Variants in GRM1 observed in about 807,000 individuals in gnomAD.
GRM1 encodes the protein metabotropic glutamate receptor 1.
Under a neutral mutation model 90.9 loss-of-function variants are expected in GRM1, and 33 were observed. That is an observed-to-expected ratio of 0.36 (90% CI 0.28 to 0.49). The LOEUF is 0.49. GRM1 is among the 20% of genes least tolerant of loss of function. GRM1 has a pLI of 0.99. For missense variants in GRM1, 1,190 were observed against 1,534.3 expected, an observed-to-expected ratio of 0.78 and a Z score of 3.75; for synonymous variants, 700 against 613.2, an observed-to-expected ratio of 1.14 and a Z score of -2.09.
At chr6:146,027,774 C>A (rs1296253352), upstream of GRM1, 3 of 152,264 alleles carry the variant, frequency 2.0e-5, no homozygotes, top group African/African-American at 7.2e-5. Context: ...GCGCTGTCTA[C>A]CCCGACTCAG....
At chr6:146,394,812 TAATA>T (rs1280169880) in intron 6 of GRM1, among the ~76,000 whole-genome samples, 1 of 152,154 alleles carries the variant, frequency 6.6e-6, no homozygotes, top group Non-Finnish European at 1.5e-5. Flanking sequence ...TAGTACCTAG[TAATA>T]AATCATAGAG....
chr6:146,040,866 G>C (rs1291890938), intron 1 of GRM1, among the ~76,000 whole-genome samples: 1 of 151,824 alleles, frequency 6.6e-6, no homozygotes, highest in African/African-American at 2.4e-5. Flanking sequence ...CCTTCTTGAA[G>C]GCCAATGACT....
chr6:146,222,336 G>A (rs922654641), intron 2 of GRM1, among the ~76,000 whole-genome samples: 2 of 152,106 alleles, frequency 1.3e-5, no homozygotes, highest in Non-Finnish European at 2.9e-5. Flanking sequence ...GACATACATG[G>A]TAAATGTATT....
chr6:146,291,128 A>C (rs963003788), intron 2 of GRM1, among the ~76,000 whole-genome samples: 1 of 152,060 alleles, frequency 6.6e-6, no homozygotes, highest in Non-Finnish European at 1.5e-5. Context: ...TCCTTCTCTG[A>C]TGTTAAAATT....
At chr6:146,166,092 T>G (rs910778232) in intron 2 of GRM1, among the ~76,000 whole-genome samples, 4 of 152,138 alleles carry the variant, frequency 2.6e-5, no homozygotes, top group Non-Finnish European at 5.9e-5. Context: ...CAGCTCATTT[T>G]GTCTTTGATG....
intron 1 of GRM1, among the ~76,000 whole-genome samples, chr6:146,126,463 T>G (rs1776203751): frequency 1.3e-5 from 2 of 152,162 alleles, no homozygotes; most frequent in Non-Finnish European, 2.9e-5. Flanking sequence ...CCTTTAAAAA[T>G]TATTAATATA....
chr6:146,326,696 C>T (rs1171706656), intron 3 of GRM1, among the ~76,000 whole-genome samples: 1 of 152,132 alleles, frequency 6.6e-6, no homozygotes, highest in Non-Finnish European at 1.5e-5. Flanking sequence ...TGTTGCATGG[C>T]ATAGCCCACA....
chr6:146,042,884 C>T (rs1047218394), intron 1 of GRM1, among the ~76,000 whole-genome samples: 8 of 151,972 alleles, frequency 5.3e-5, no homozygotes, highest in Non-Finnish European at 4.4e-5. Context: ...CTACTAGGTG[C>T]CCATCAGAGA....
chr6:146,189,056 A>C (rs193207658), intron 2 of GRM1, among the ~76,000 whole-genome samples: 1 of 152,338 alleles, frequency 6.6e-6, no homozygotes, highest in Non-Finnish European at 1.5e-5. Flanking sequence ...CAATATGCAC[A>C]ATAATGTTAT....
intron 7 of GRM1, among the ~76,000 whole-genome samples, chr6:146,412,348 G>A (rs1194011639): frequency 6.6e-6 from 1 of 152,150 alleles, no homozygotes; most frequent in Non-Finnish European, 1.5e-5. Context: ...CAGCAAGACC[G>A]AGAGCCAGAT....
chr6:146,240,967 C>T (rs541269862), intron 2 of GRM1, among the ~76,000 whole-genome samples: 3 of 152,092 alleles, frequency 2.0e-5, no homozygotes, highest in Non-Finnish European at 4.4e-5. Flanking sequence ...CAACTGAACA[C>T]AAGGCCCCTT....
Position 146,435,831 on chromosome 6 carries a change from A to G in GRM1, c.*1035A>G, listed in dbSNP as rs1778578388. The G allele has an allele frequency of 6.6e-6, 1 of 152,666 alleles. No individual in the cohort carries two copies. The allele number at this position is 152,666 out of a possible 1,614,324, so 9.5% of individuals were successfully genotyped here. A position where few individuals can be genotyped will look rare whatever the true frequency, so the allele number is the denominator to read the frequency against. On this transcript the variant is annotated 3_prime_UTR_variant, in exon 8 of 8. Coordinates refer to ENST00000282753, the MANE Select transcript of GRM1 (RefSeq NM_001278064.2). ...CCTTCCACTTACTGTAGCAAATAAT[A>G]CCTACAAGTTGAACTTCTAAGATGC...
intron 3 of GRM1, among the ~76,000 whole-genome samples, chr6:146,306,009 A>G (rs1783566306): frequency 6.6e-6 from 1 of 152,232 alleles, no homozygotes; most frequent in Admixed American, 6.5e-5. Context: ...GTTTGATGTT[A>G]GAAAATGCTT....
intron 2 of GRM1, among the ~76,000 whole-genome samples, chr6:146,217,912 A>T (rs907609821): frequency 1.2e-4 from 18 of 152,324 alleles, no homozygotes; most frequent in African/African-American, 4.3e-4. Context: ...GCTGTATTAC[A>T]GTAGTAGCAA....
chr6:146,396,978 A>C (rs1057152967), intron 6 of GRM1, among the ~76,000 whole-genome samples: 3 of 152,166 alleles, frequency 2.0e-5, no homozygotes, highest in African/African-American at 7.2e-5. Context: ...AGCTCAGTAA[A>C]ATTAGCCAGA....
intron 7 of GRM1, among the ~76,000 whole-genome samples, chr6:146,422,252 C>T (rs567063178): frequency 2.6e-4 from 40 of 152,114 alleles, no homozygotes; most frequent in African/African-American, 9.4e-4. Context: ...GTCACTGTTA[C>T]CCAAATAAAA....
At chr6:146,252,285 A>G (rs1262198411) in intron 2 of GRM1, among the ~76,000 whole-genome samples, 1 of 152,192 alleles carries the variant, frequency 6.6e-6, no homozygotes, top group Non-Finnish European at 1.5e-5. Context: ...CTTTTTAATA[A>G]TGTTTGAAAA....
chr6:146,305,253 T>A (rs61236356), intron 3 of GRM1, among the ~76,000 whole-genome samples: 198 of 151,968 alleles, frequency 1.3e-3, no homozygotes, highest in African/African-American at 4.6e-3. Flanking sequence ...GAAGATGAGG[T>A]AATGTGACCC....
chr6:146,214,120 C>T (rs1454201502), intron 2 of GRM1, among the ~76,000 whole-genome samples: 1 of 152,130 alleles, frequency 6.6e-6, no homozygotes, highest in Non-Finnish European at 1.5e-5. Context: ...GAGGGTGGAT[C>T]TTCCCCCAGG....
Sources: gnomAD v4.1 joint callset for allele counts (sites outside exome capture counted in the v4.1 genomes callset) on GRCh38, gnomAD v4.1.1 for gene constraint, MANE v1.5 for transcripts, NCBI Gene and HGNC (gene_info 2026-07-23, HGNC 2026-07-21) for gene names.